ABL1: variants seen among roughly 807,000 people sequenced by gnomAD.
ABL1 encodes ABL proto-oncogene 1, non-receptor tyrosine kinase, also known as tyrosine-protein kinase ABL1.
A neutral mutation model predicts 94.7 loss-of-function variants in ABL1; 11 were observed. The observed-to-expected ratio is 0.12, with a 90% CI of 0.07 to 0.19. ABL1 has a LOEUF of 0.19. Ranked by LOEUF, ABL1 falls within the 10% of genes least tolerant of loss-of-function variation. The pLI is 1.00. For synonymous variants in ABL1, 656 were observed against 622.4 expected, an observed-to-expected ratio of 1.05 and a Z score of -0.80; for missense variants, 1,082 against 1,489.4, an observed-to-expected ratio of 0.73 and a Z score of 4.50.
chr9:130,826,493 A>C (rs1193886471), intron 1 of ABL1, among the ~76,000 whole-genome samples: 2 of 152,218 alleles, frequency 1.3e-5, no homozygotes, highest in African/African-American at 4.8e-5. Flanking sequence ...AGTAGGGGAT[A>C]AGAAAGGCAA....
intron 6 of ABL1, among the ~76,000 whole-genome samples, chr9:130,874,121 A>G (rs200870876): frequency 1.3e-5 from 2 of 152,300 alleles, no homozygotes; most frequent in East Asian, 3.9e-4. Flanking sequence ...GCTGACGATC[A>G]GGCTATCTCA....
chr9:130,793,185 CA>C (rs1048334713), intron 1 of ABL1, among the ~76,000 whole-genome samples: 2 of 152,192 alleles, frequency 1.3e-5, no homozygotes, highest in African/African-American at 4.8e-5. Context: ...CTCAGTCTCC[CA>C]AAGTGCTGGG....
chr9:130,809,254 G>T (rs1830170817), intron 1 of ABL1, among the ~76,000 whole-genome samples: 1 of 152,166 alleles, frequency 6.6e-6, no homozygotes, highest in Admixed American at 6.5e-5. Context: ...AAAAGGATTA[G>T]AGAGAACCAT....
chr9:130,840,726 C>T (rs1051900624), intron 1 of ABL1, among the ~76,000 whole-genome samples: 4 of 151,746 alleles, frequency 2.6e-5, no homozygotes, highest in African/African-American at 9.7e-5. Flanking sequence ...ACTATGTCGC[C>T]CAGGCTGGTC....
intron 1 of ABL1, among the ~76,000 whole-genome samples, chr9:130,764,461 T>G (rs767861894): frequency 6.6e-5 from 10 of 152,232 alleles, no homozygotes; most frequent in Admixed American, 2.6e-4. Flanking sequence ...GCTTTGTGCT[T>G]CTTCTTGTAA....
At chr9:130,847,207 T>G (rs1012963966) in intron 1 of ABL1, among the ~76,000 whole-genome samples, 6 of 152,276 alleles carry the variant, frequency 3.9e-5, no homozygotes, top group East Asian at 1.9e-4. Context: ...GATCCAGATC[T>G]TAGATCCAGA....
At chr9:130,797,980 G>A (rs1315676384) in intron 1 of ABL1, among the ~76,000 whole-genome samples, 1 of 151,886 alleles carries the variant, frequency 6.6e-6, no homozygotes, top group Non-Finnish European at 1.5e-5. Context: ...TCCCCTCCTT[G>A]ATTTAATTTC....
At chr9:130,798,390 G>C (rs4740371) in intron 1 of ABL1, among the ~76,000 whole-genome samples, 37,994 of 152,102 alleles carry the variant, frequency 0.25, 6,334 homozygotes, top group African/African-American at 0.48. Context: ...AGCTATATTA[G>C]TGATGGTTAT....
intron 1 of ABL1, among the ~76,000 whole-genome samples, chr9:130,775,839 T>C (rs1832304681): frequency 6.6e-6 from 1 of 151,890 alleles, no homozygotes; most frequent in Non-Finnish European, 1.5e-5. Flanking sequence ...ACTGATTACC[T>C]CCCAAGGAAC....
Position 130,872,210 on chromosome 9 carries a change from C to T in ABL1, c.904C>T (p.Leu302Phe). 6.2e-7 allele frequency: 1 copy of T among 1,613,742 alleles called. No homozygotes were observed. Among genetic ancestry groups the T allele is most frequent in the Non-Finnish European group, 8.5e-7 (1 of 1,179,738 alleles). Residue 302 changes from leucine (L) to phenylalanine (F), a missense_variant, in exon 5 of 11, where the codon CTT (leucine) becomes TTT (phenylalanine). Around this residue, in one of 7 missense-constraint regions of ABL1, gnomAD observed 92 missense variants for 212.3 expected, o/e 0.43. Transcript: ENST00000318560. The surrounding 1 kb of genome is among the most constrained non-coding windows in gnomAD (Gnocchi z 5.0). The stretch of plus-strand genomic sequence containing the variant: ...CAAACACCCTAACCTGGTGCAGCTC[C>T]TTGGTGAGTAAGCCCGGGGCTCTGA... ...EIKHPNLVQL[L>F]GVCTREPPFY...
At position 130,862,403 on chromosome 9, in the gene ABL1, GTGTGA is replaced by G. The variant is rs895781902; in HGVS notation, c.550-357_550-353del. ...GACAGGTGGTAGGATGACCCGTGCC[GTGTGA>G]TGACTTTAGATTGGGTGGTTGGGGA... On this transcript the variant is annotated intron_variant, in intron 3 of 10. Transcript: ENST00000318560. This position sits in a 1 kb window ranked among gnomAD's most constrained non-coding sequence, Gnocchi z 5.5. Among the ~76,000 whole-genome samples, 1 of 152,120 alleles carries G rather than the reference GTGTGA, an allele frequency of 6.6e-6. No individual in the cohort carries two copies. Among genetic ancestry groups the G allele is most frequent in the Non-Finnish European group, 1.5e-5 (1 of 68,022 alleles).
At chr9:130,813,195 C>G (rs940987549) in intron 1 of ABL1, among the ~76,000 whole-genome samples, 2 of 148,622 alleles carry the variant, frequency 1.3e-5, no homozygotes, top group African/African-American at 5.0e-5. Flanking sequence ...AGCTGGGCAA[C>G]AGTGAGACTC....
rs1831316740 is a variant in ABL1, at chr9:130,875,020, A to T, written c.1238A>T (p.Tyr413Phe). The T allele has an allele frequency of 6.2e-6, 10 of 1,614,230 alleles. No homozygotes were observed. Among genetic ancestry groups the T allele is most frequent in the Non-Finnish European group, 7.6e-6 (9 of 1,180,036 alleles). The change falls in exon 7 of 11, where the codon TAC (tyrosine) becomes TTC (phenylalanine). Residue 413 changes from tyrosine (Y) to phenylalanine (F), a missense_variant. Tyr to Phe is a conservative substitution (Grantham distance 22). Around this residue, in one of 7 missense-constraint regions of ABL1, gnomAD observed 76 missense variants for 177.1 expected, o/e 0.43. Coordinates refer to ENST00000318560, the MANE Select transcript of ABL1 (RefSeq NM_005157.6). ...IKWTAPESLA[Y>F]NKFSIKSDVW... ...TGGACTGCACCCGAGAGCCTGGCCT[A>T]CAACAAGTTCTCCATCAAGTCCGAC...
chr9:130,831,253 G>C (rs139540766), upstream of ABL1, among the ~76,000 whole-genome samples: 118 of 152,206 alleles, frequency 7.8e-4, no homozygotes, highest in African/African-American at 2.6e-3. Flanking sequence ...CCCAAGCCAG[G>C]CCTCCTGTCA....
intron 3 of ABL1, among the ~76,000 whole-genome samples, chr9:130,859,774 A>G (rs2855193): frequency 1 from 148,001 of 148,404 alleles, 73,801 homozygotes; most frequent in East Asian, 1. Flanking sequence ...TGCGCCTCCC[A>G]GGTTCGAGCG....
intron 1 of ABL1, among the ~76,000 whole-genome samples, chr9:130,734,218 CTT>C (rs34635212): frequency 4.2e-5 from 6 of 143,860 alleles, no homozygotes; most frequent in Non-Finnish European, 4.5e-5. Flanking sequence ...ATTGAATATT[CTT>C]TTTTTTTTTT....
intron 1 of ABL1, among the ~76,000 whole-genome samples, chr9:130,731,932 TA>T (rs1341481101): frequency 2.6e-5 from 4 of 151,962 alleles, no homozygotes; most frequent in Non-Finnish European, 5.9e-5. Flanking sequence ...CTGTTAATGA[TA>T]AAGGCTAAAT....
At chr9:130,762,537 C>T (rs1056280390) in intron 1 of ABL1, among the ~76,000 whole-genome samples, 2 of 152,068 alleles carry the variant, frequency 1.3e-5, no homozygotes, top group Non-Finnish European at 2.9e-5. Context: ...CCATCACTTC[C>T]TGTGGGCTTG....
chr9:130,746,590 A>G (rs1267858564), intron 1 of ABL1, among the ~76,000 whole-genome samples: 1 of 151,180 alleles, frequency 6.6e-6, no homozygotes, highest in African/African-American at 2.4e-5. Context: ...GATCCATCTA[A>G]ATGTTGCATG....
Sources: gnomAD v4.1 joint callset for allele counts (sites outside exome capture counted in the v4.1 genomes callset) on GRCh38, gnomAD v4.1.1 for gene constraint, gnomAD v4.1.1 regional missense constraint, Gnocchi (gnomAD v3.1) non-coding constraint, MANE v1.5 for transcripts, NCBI Gene and HGNC (gene_info 2026-07-23, HGNC 2026-07-21) for gene names.